The following ABHD3 variants were observed in gnomAD, a reference collection of about 807,000 sequenced individuals.
ABHD3 encodes the protein abhydrolase domain containing 3, phospholipase, also known as phospholipase ABHD3.
A neutral mutation model predicts 48.8 loss-of-function variants in ABHD3; 46 were observed. That is an observed-to-expected ratio of 0.94 (90% CI 0.74 to 1.20). The LOEUF is 1.20. Among genes scored for constraint, ABHD3 ranks in the 50% most tolerant of loss-of-function variants. ABHD3 has a pLI of 0.00. For missense variants in ABHD3, 490 were observed against 497.8 expected (o/e 0.98, Z 0.15); for synonymous variants, 192 against 183.7 (o/e 1.04, Z -0.36).
At chr18:21,672,543 A>T (rs1428118115) in intron 4 of ABHD3, among the ~76,000 whole-genome samples, 1 of 152,222 alleles carries the variant, frequency 6.6e-6, no homozygotes, top group Non-Finnish European at 1.5e-5. Context: ...TTGCACTCAA[A>T]TATTGGATAA....
chr18:21,699,214 T>C (rs1248066885), intron 3 of ABHD3, among the ~76,000 whole-genome samples: 1 of 152,154 alleles, frequency 6.6e-6, no homozygotes, highest in Non-Finnish European at 1.5e-5. Flanking sequence ...ACACCTGGCC[T>C]ACTTTACACA....
At chr18:21,669,951 G>A (rs2039719798) in intron 4 of ABHD3, among the ~76,000 whole-genome samples, 1 of 152,050 alleles carries the variant, frequency 6.6e-6, no homozygotes, top group South Asian at 2.1e-4. Context: ...GCGGGAGAGT[G>A]GCAGAGTGAG....
intron 3 of ABHD3, among the ~76,000 whole-genome samples, chr18:21,685,817 C>T (rs184694710): frequency 6.6e-6 from 1 of 152,364 alleles, no homozygotes; most frequent in African/African-American, 2.4e-5. Flanking sequence ...CCTGCCTCAG[C>T]CTCCTGAGTA....
chr18:21,692,342 G>A (rs1367410929), intron 3 of ABHD3, among the ~76,000 whole-genome samples: 1 of 152,164 alleles, frequency 6.6e-6, no homozygotes, highest in Admixed American at 6.5e-5. Flanking sequence ...TTGGTAAAAT[G>A]GGGTTTATAA....
intron 5 of ABHD3, among the ~76,000 whole-genome samples, chr18:21,659,757 C>A (rs904005707): frequency 2.0e-5 from 3 of 151,902 alleles, no homozygotes; most frequent in African/African-American, 2.4e-5. Context: ...CAACCTCCAC[C>A]CCCCTGGTTC....
At chr18:21,652,269 G>A (rs976303523) in intron 8 of ABHD3, among the ~76,000 whole-genome samples, 2 of 152,004 alleles carry the variant, frequency 1.3e-5, no homozygotes, top group African/African-American at 4.8e-5. Context: ...GAAGTGAGAG[G>A]ATCACTTGAG....
chr18:21,657,232 T>A, intron 6 of ABHD3, 80 bp from the exon 7 acceptor site: 1 of 1,317,134 alleles, frequency 7.6e-7, no homozygotes, highest in Non-Finnish European at 1.0e-6. Context: ...AACAAATTAC[T>A]AAACAGCCTA....
chr18:21,662,749 C>G (rs2039531406), intron 5 of ABHD3, among the ~76,000 whole-genome samples: 1 of 152,224 alleles, frequency 6.6e-6, no homozygotes. Flanking sequence ...GTTCACAAGA[C>G]ATTAATGTTC....
chr18:21,692,630 G>A (rs1411081582), intron 3 of ABHD3, among the ~76,000 whole-genome samples: 1 of 152,186 alleles, frequency 6.6e-6, no homozygotes, highest in African/African-American at 2.4e-5. Flanking sequence ...TGTCTTTAAC[G>A]TGAGGAAGCT....
At chr18:21,659,757 C>G (rs904005707) in intron 5 of ABHD3, among the ~76,000 whole-genome samples, 2 of 151,902 alleles carry the variant, frequency 1.3e-5, no homozygotes, top group African/African-American at 2.4e-5. Context: ...CAACCTCCAC[C>G]CCCCTGGTTC....
At chr18:21,686,699 G>A (rs2146322187) in intron 3 of ABHD3, among the ~76,000 whole-genome samples, 1 of 152,266 alleles carries the variant, frequency 6.6e-6, no homozygotes, top group South Asian at 2.1e-4. Context: ...CCTTGGACGT[G>A]GGGCAGAGAG....
chr18:21,667,854 C>T (rs564056333), intron 4 of ABHD3, among the ~76,000 whole-genome samples: 6 of 151,960 alleles, frequency 3.9e-5, no homozygotes, highest in Non-Finnish European at 8.8e-5. Flanking sequence ...ATTGAATGCA[C>T]GTCAATCACA....
In ABHD3 at chr18:21,703,741, G is replaced by A; in HGVS notation, c.169C>T (p.Gln57Ter). ...YYLSSIAKKP[Q>*]LVTGGESFSR... ...AAACTCTCACCCCCGGTCACTAACT[G>A]GGGTTTCTGAAGGGAAAAGCAGTAT... The change falls in exon 2 of 9, where the codon CAG becomes TAG. Residue 57 changes from glutamine (Q) to a stop codon, truncating the protein, a stop_gained. Coordinates refer to ENST00000289119, the MANE Select transcript of ABHD3 (RefSeq NM_138340.5). LOFTEE classifies it high-confidence loss of function. 6.2e-7 allele frequency: 1 copy of A among 1,613,328 alleles called. No individual in the cohort carries two copies. The highest frequency in any genetic ancestry group is 1.1e-5 in the South Asian group (1 of 91,080).
rs535067101 is a variant in ABHD3 at position 21,675,432 on chromosome 18, C to G, written c.555+8488G>C. 5.3e-5 allele frequency among the ~76,000 whole-genome samples: 8 copies of G among 152,014 alleles called. No individual in the cohort carries two copies. The South Asian group carries it at 1.7e-3, about 32-fold the overall frequency. On this transcript the variant is annotated intron_variant, in intron 4 of 8. Transcript: ENST00000289119. Reference sequence around the variant, plus strand: ...TACAGGCGCCTGTTGCCACGCCCAGCTAATTTTTGTGTTTTTAGTAGAGAC... The same window carrying G: ...TACAGGCGCCTGTTGCCACGCCCAGGTAATTTTTGTGTTTTTAGTAGAGAC...
chr18:21,704,352 C>G (rs2040587242), intron 1 of ABHD3, 152 bp downstream of exon 1: 2 of 863,070 alleles, frequency 2.3e-6, no homozygotes, highest in Admixed American at 4.6e-5. Flanking sequence ...GGCCTGTTGG[C>G]TTTCCCGCGC....
intron 4 of ABHD3, among the ~76,000 whole-genome samples, chr18:21,676,572 G>T (rs905450729): frequency 1.3e-5 from 2 of 152,158 alleles, no homozygotes. Flanking sequence ...TGTATTTTCA[G>T]TAGAGACAGG....
chr18:21,664,230 T>C lies in ABHD3; in HGVS notation c.556A>G (p.Thr186Ala). The change falls in exon 5 of 9, where the codon ACG becomes GCG. Residue 186 changes from threonine to alanine, a missense_variant and splice_region_variant. Transcript: ENST00000289119. ...NRGVAGENLL[T>A]PRTYCCANTE... Reference sequence around the variant, plus strand: ...TTAGCACAACAATAAGTCCTTGGCGTCTGGAAGTAGTGACAAGTAAAGCAC... The same window carrying C: ...TTAGCACAACAATAAGTCCTTGGCGCCTGGAAGTAGTGACAAGTAAAGCAC... 1.2e-6 allele frequency: 2 copies of C among 1,606,262 alleles called. No individual in the cohort carries two copies. The highest frequency in any genetic ancestry group is 1.7e-6 in the Non-Finnish European group (2 of 1,178,180).
Position 21,659,731 on chromosome 18 carries a change from C to T in ABHD3, c.669-388G>A, listed in dbSNP as rs111826694. On this transcript the variant is annotated intron_variant, in intron 5 of 8. Coordinates refer to ENST00000289119, the MANE Select transcript of ABHD3 (RefSeq NM_138340.5). ...TCACCCAGCCTGGAGTGCAGTGGTG[C>T]GATCTCGGCTCACTGCAACCTCCAC... Among the ~76,000 whole-genome samples, 90 of 151,796 alleles carry T rather than the reference C, an allele frequency of 5.9e-4. 1 individual carries two copies. The highest frequency in any genetic ancestry group is 2.0e-3 in the African/African-American group (81 of 41,394).
intron 4 of ABHD3, among the ~76,000 whole-genome samples, chr18:21,674,059 A>T (rs972419535): frequency 6.6e-6 from 1 of 152,102 alleles, no homozygotes; most frequent in Non-Finnish European, 1.5e-5. Flanking sequence ...ACTTGGGAGA[A>T]GGGAAATCCA....
Sources: gnomAD v4.1 joint callset for allele counts (sites outside exome capture counted in the v4.1 genomes callset) on GRCh38, gnomAD v4.1.1 for gene constraint, MANE v1.5 for transcripts, NCBI Gene and HGNC (gene_info 2026-07-23, HGNC 2026-07-21) for gene names.